The following LRBA variants were observed in gnomAD, a reference collection of about 807,000 sequenced individuals.
LRBA encodes the protein lipopolysaccharide-responsive and beige-like anchor protein.
LRBA carries 176 observed loss-of-function variants against 330.0 expected under a neutral mutation model. That is an observed-to-expected ratio of 0.53 (90% CI 0.47 to 0.60). The LOEUF is 0.60. Ranked by LOEUF, LRBA falls within the 20% of genes least tolerant of loss-of-function variation. LRBA has a pLI of 0.00. For synonymous variants in LRBA, 1,230 were observed against 1,193.0 expected (o/e 1.03, Z -0.64); for missense variants, 3,259 against 3,444.8 (o/e 0.95, Z 1.35).
intron 2 of LRBA, among the ~76,000 whole-genome samples, chr4:150,969,003 G>A (rs1739219041): frequency 6.6e-6 from 1 of 152,130 alleles, no homozygotes; most frequent in African/African-American, 2.4e-5. Context: ...AACAAAGCCT[G>A]GATGACTGCA....
At chr4:150,677,335 G>A (rs541788412) in intron 37 of LRBA, among the ~76,000 whole-genome samples, 1 of 152,270 alleles carries the variant, frequency 6.6e-6, no homozygotes, top group South Asian at 2.1e-4. Context: ...AAAAACTGGA[G>A]ACTTGAAGAA....
chr4:150,873,768 T>C (rs1237670739), intron 17 of LRBA, among the ~76,000 whole-genome samples: 7 of 152,090 alleles, frequency 4.6e-5, no homozygotes, highest in Non-Finnish European at 8.8e-5. Flanking sequence ...GATATCAGTA[T>C]CCTCCTAGAT....
intron 37 of LRBA, among the ~76,000 whole-genome samples, chr4:150,629,372 C>T (rs1561444092): frequency 6.6e-6 from 1 of 152,236 alleles, no homozygotes; most frequent in Non-Finnish European, 1.5e-5. Flanking sequence ...GGAACAGTGG[C>T]TCATGCCTGT....
chr4:150,892,150 G>A (rs1560969056), intron 17 of LRBA, among the ~76,000 whole-genome samples: 1 of 152,192 alleles, frequency 6.6e-6, no homozygotes, highest in Non-Finnish European at 1.5e-5. Context: ...ATTAGTTTCT[G>A]TAGCTGATGA....
intron 44 of LRBA, among the ~76,000 whole-genome samples, chr4:150,444,618 T>A (rs1043303609): frequency 6.6e-6 from 1 of 152,140 alleles, no homozygotes; most frequent in African/African-American, 2.4e-5. Context: ...AGAAAAAAAT[T>A]TCATCAGCAC....
intron 37 of LRBA, among the ~76,000 whole-genome samples, chr4:150,673,310 T>C (rs1782239220): frequency 1.3e-5 from 2 of 152,182 alleles, no homozygotes; most frequent in Non-Finnish European, 2.9e-5. Flanking sequence ...ATTCGGCATA[T>C]ACAACCAAAA....
At chr4:150,554,723 C>T (rs886938870) in intron 40 of LRBA, among the ~76,000 whole-genome samples, 16 of 151,972 alleles carry the variant, frequency 1.1e-4, no homozygotes, top group African/African-American at 3.6e-4. Flanking sequence ...TTTCTGCTTA[C>T]TTTTTCCAAA....
At chr4:150,360,018 T>C (rs534611666) in intron 47 of LRBA, among the ~76,000 whole-genome samples, 1 of 151,964 alleles carries the variant, frequency 6.6e-6, no homozygotes, top group South Asian at 2.1e-4. Context: ...TCATGTTCAA[T>C]AGTGGAATGC....
chr4:150,356,584 A>AT (rs1325912182), intron 47 of LRBA, among the ~76,000 whole-genome samples: 2 of 152,142 alleles, frequency 1.3e-5, no homozygotes, highest in African/African-American at 4.8e-5. Flanking sequence ...GAAAATTAAC[A>AT]TTTTTTCATA....
At chr4:150,283,822 T>A (rs1747839432) in intron 54 of LRBA, among the ~76,000 whole-genome samples, 1 of 152,166 alleles carries the variant, frequency 6.6e-6, no homozygotes, top group East Asian at 1.9e-4. Context: ...ATAACAGATG[T>A]GCATCATCAT....
At chr4:150,406,828 TG>T (rs1271336468) in intron 47 of LRBA, among the ~76,000 whole-genome samples, 1 of 152,188 alleles carries the variant, frequency 6.6e-6, no homozygotes, top group Non-Finnish European at 1.5e-5. Context: ...TAGCCCAGGC[TG>T]GAGTGCAGTG....
intron 47 of LRBA, among the ~76,000 whole-genome samples, chr4:150,391,972 TAAAAAAA>T (rs150931536): frequency 9.3e-6 from 1 of 107,466 alleles, no homozygotes; most frequent in South Asian, 3.4e-4. Context: ...TGTTACTCTT[TAAAAAAA>T]AAAAAAAAAA....
intron 36 of LRBA, among the ~76,000 whole-genome samples, chr4:150,710,361 A>G (rs762079453): frequency 2.0e-5 from 3 of 152,130 alleles, no homozygotes; most frequent in Non-Finnish European, 4.4e-5. Context: ...GTCTCTCCCC[A>G]AAAGTGGGGC....
chr4:150,824,039 A>C (rs887646432), intron 30 of LRBA, among the ~76,000 whole-genome samples: 7 of 152,008 alleles, frequency 4.6e-5, no homozygotes, highest in Non-Finnish European at 1.0e-4. Flanking sequence ...ACATTTTAAC[A>C]CTATTAATTC....
intron 53 of LRBA, among the ~76,000 whole-genome samples, chr4:150,292,116 G>C (rs1318694664): frequency 6.6e-6 from 1 of 152,012 alleles, no homozygotes; most frequent in African/African-American, 2.4e-5. Context: ...TGGTGCCCTC[G>C]CAACATTAAG....
intron 37 of LRBA, among the ~76,000 whole-genome samples, chr4:150,626,247 A>T (rs1299130244): frequency 1.3e-5 from 2 of 152,194 alleles, no homozygotes; most frequent in African/African-American, 4.8e-5. Flanking sequence ...TTGTTTGATT[A>T]GACCCTTCAA....
rs139279956 is a variant in LRBA at position 150,683,680 on chromosome 4, T to A, written c.5792A>T (p.Asp1931Val). The change falls in exon 37 of 57, where the codon GAT (aspartate) becomes GTT (valine). Residue 1931 changes from aspartate (D) to valine (V), a missense_variant. Transcript: ENST00000651943. The stretch of plus-strand genomic sequence containing the variant: ...TATCAAATGATCACACATCTTCTCA[T>A]CTTCTCGTTTGTCTGCAGAATACTG... ...CAQYSADKRE[D>V]EKMCDHLIRA... is the part of the protein sequence containing the mutation. 9.9e-6 allele frequency: 16 copies of A among 1,613,690 alleles called. No individual in the cohort carries two copies. The African/African-American group carries it at 2.1e-4, about 22-fold the overall frequency.
At chr4:150,917,936 A>C (rs1732821922) in intron 5 of LRBA, among the ~76,000 whole-genome samples, 1 of 152,132 alleles carries the variant, frequency 6.6e-6, no homozygotes, top group Non-Finnish European at 1.5e-5. Context: ...TCTCAAAAAA[A>C]AAAATGAAGA....
chr4:150,355,577 C>T (rs1268596895), intron 47 of LRBA, among the ~76,000 whole-genome samples: 2 of 152,024 alleles, frequency 1.3e-5, no homozygotes, highest in East Asian at 1.9e-4. Context: ...CATTTCTGCA[C>T]ACCTGTACCA....
Sources: gnomAD v4.1 joint callset for allele counts (sites outside exome capture counted in the v4.1 genomes callset) on GRCh38, gnomAD v4.1.1 for gene constraint, MANE v1.5 for transcripts, NCBI Gene and HGNC (gene_info 2026-07-23, HGNC 2026-07-21) for gene names.